ADAMTSL3: variants seen among roughly 807,000 people sequenced by gnomAD.
ADAMTSL3 encodes the protein ADAMTS like 3, also known as ADAMTS-like protein 3.
ADAMTSL3 carries 128 observed loss-of-function variants against 201.7 expected under a neutral mutation model. The observed-to-expected ratio is 0.63, with a 90% CI of 0.55 to 0.73. The LOEUF (loss-of-function observed/expected upper bound fraction) is 0.73. Among genes scored for constraint, ADAMTSL3 ranks in the 30% least tolerant of loss-of-function variants. ADAMTSL3 has a pLI of 0.00. For synonymous variants in ADAMTSL3, 738 were observed against 748.4 expected, an observed-to-expected ratio of 0.99 and a Z score of 0.23; for missense variants, 1,990 against 2,119.6, an observed-to-expected ratio of 0.94 and a Z score of 1.20.
chr15:84,002,631 A>G (rs1374081912), intron 23 of ADAMTSL3, among the ~76,000 whole-genome samples: 1 of 152,146 alleles, frequency 6.6e-6, no homozygotes, highest in East Asian at 1.9e-4. Context: ...TTCAGACTAT[A>G]GATTCCATGG....
At chr15:83,936,149 A>G (rs1163744198) in intron 17 of ADAMTSL3, among the ~76,000 whole-genome samples, 1 of 152,094 alleles carries the variant, frequency 6.6e-6, no homozygotes, top group Non-Finnish European at 1.5e-5. Context: ...TGATTTATCA[A>G]TTTGAAAAAA....
At chr15:83,899,379 G>C (rs190618163) in intron 14 of ADAMTSL3, among the ~76,000 whole-genome samples, 168 of 151,906 alleles carry the variant, frequency 1.1e-3, no homozygotes, top group African/African-American at 3.6e-3. Flanking sequence ...TTTATAAAAG[G>C]CATTTTTATG....
chr15:83,889,669 C>T (rs548455935), intron 10 of ADAMTSL3, among the ~76,000 whole-genome samples: 2 of 152,030 alleles, frequency 1.3e-5, no homozygotes, highest in South Asian at 4.2e-4. Context: ...TGCACAGTGC[C>T]GTGGTGACAA....
chr15:83,704,928 AAC>A (rs1489237690), intron 3 of ADAMTSL3, among the ~76,000 whole-genome samples: 1 of 151,678 alleles, frequency 6.6e-6, no homozygotes, highest in East Asian at 1.9e-4. Context: ...TTCAGAAAGG[AAC>A]ACAGTGTGAA....
intron 2 of ADAMTSL3, among the ~76,000 whole-genome samples, chr15:83,678,069 C>T (rs570499827): frequency 7.0e-4 from 106 of 152,028 alleles, no homozygotes; most frequent in African/African-American, 2.5e-3. Flanking sequence ...TATTTAGGTC[C>T]CCTTATTCTT....
chr15:83,695,932 A>G (rs1449905510), intron 2 of ADAMTSL3, among the ~76,000 whole-genome samples: 1 of 152,052 alleles, frequency 6.6e-6, no homozygotes, highest in Non-Finnish European at 1.5e-5. Flanking sequence ...TTTTGAAGAA[A>G]AATGTGTTGG....
chr15:83,727,630 C>A (rs1239128225), intron 3 of ADAMTSL3, among the ~76,000 whole-genome samples: 1 of 151,990 alleles, frequency 6.6e-6, no homozygotes, highest in Non-Finnish European at 1.5e-5. Flanking sequence ...ACCCACTGGT[C>A]ATTCAGAAGC....
At chr15:83,919,107 G>A (rs548281392) in intron 16 of ADAMTSL3, among the ~76,000 whole-genome samples, 1 of 152,266 alleles carries the variant, frequency 6.6e-6, no homozygotes, top group East Asian at 1.9e-4. Flanking sequence ...GATGCCTCTC[G>A]ACTTCCAAGT....
chr15:83,908,011 T>TCA (rs1289674859), intron 15 of ADAMTSL3, among the ~76,000 whole-genome samples: 1 of 152,222 alleles, frequency 6.6e-6, no homozygotes, highest in African/African-American at 2.4e-5. Flanking sequence ...CAAGATATGT[T>TCA]TTTCTTTCAC....
At chr15:84,019,139 G>A (rs535208821) in intron 25 of ADAMTSL3, among the ~76,000 whole-genome samples, 15 of 142,306 alleles carry the variant, frequency 1.1e-4, no homozygotes, top group African/African-American at 1.6e-4. Context: ...TTGAACAGAC[G>A]TTTCACAAAA....
rs1008452949 is a variant in ADAMTSL3 at position 83,833,620 on chromosome 15, T to C, written c.601-4469T>C. On this transcript the variant is annotated intron_variant, in intron 6 of 29. Coordinates refer to ENST00000286744, the MANE Select transcript of ADAMTSL3 (RefSeq NM_207517.3). Reference sequence around the variant, plus strand: ...ATCCAATTTCTTAATTATTGGGCTATACTGATGATACTTTTTATATTGGTA... The same window carrying C: ...ATCCAATTTCTTAATTATTGGGCTACACTGATGATACTTTTTATATTGGTA... Among the ~76,000 whole-genome samples the C allele has an allele frequency of 2.6e-5, 4 of 152,346 alleles. 1 individual carries two copies. In the South Asian group the frequency reaches 8.3e-4, roughly 32 times the overall value.
intron 29 of ADAMTSL3, 46 bp from the exon 30 acceptor site, chr15:84,037,654 G>T: frequency 2.0e-6 from 3 of 1,503,706 alleles, no homozygotes; most frequent in Non-Finnish European, 2.7e-6. Flanking sequence ...TTTTAATTAG[G>T]TCTCTAATAA....
rs775280665 is a variant in ADAMTSL3, at chr15:83,910,801, AT to A, written c.1701-2274del. Among the ~76,000 whole-genome samples the A allele has an allele frequency of 5.5e-3, 762 of 137,938 alleles. 4 individuals are homozygous for A. Among genetic ancestry groups the A allele is most frequent in the African/African-American group, 8.4e-3 (315 of 37,434 alleles). 90.5% of individuals were successfully genotyped at this position (137,938 alleles called of 152,430 possible). A position where few individuals can be genotyped will look rare whatever the true frequency, so the allele number is the denominator to read the frequency against. ...AGGCATGCACCACCATGACTGGCTA[AT>A]TTTTTTTTTTTTTTTTAAGTAGAGA... On this transcript the variant is annotated intron_variant, in intron 15 of 29. Coordinates refer to ENST00000286744, the MANE Select transcript of ADAMTSL3 (RefSeq NM_207517.3).
chr15:83,723,314 T>C (rs1026228313), intron 3 of ADAMTSL3, among the ~76,000 whole-genome samples: 2 of 152,182 alleles, frequency 1.3e-5, no homozygotes, highest in African/African-American at 4.8e-5. Flanking sequence ...CTAGTGATGG[T>C]GATGGGCAGA....
intron 2 of ADAMTSL3, among the ~76,000 whole-genome samples, chr15:83,671,962 A>T (rs970203868): frequency 6.6e-6 from 1 of 152,248 alleles, no homozygotes; most frequent in Non-Finnish European, 1.5e-5. Context: ...AATATTATCA[A>T]TAAAGGATAT....
intron 3 of ADAMTSL3, among the ~76,000 whole-genome samples, chr15:83,713,683 C>T (rs2162234): frequency 0.25 from 37,539 of 152,082 alleles, 6,108 homozygotes; most frequent in African/African-American, 0.46. Context: ...GAAAAGACTT[C>T]GCCGATTCTC....
At position 83,901,238 on chromosome 15, in the gene ADAMTSL3, G is replaced by C. The variant is rs543646745; in HGVS notation, c.1700+1507G>C. 4.6e-5 allele frequency among the ~76,000 whole-genome samples: 7 copies of C among 152,222 alleles called. No individual in the cohort carries two copies. The East Asian group carries it at 9.7e-4, about 21-fold the overall frequency. ...GAAGAGTGTTGGGCTCCTGACAGAA[G>C]CTTGGAGATTTAGAGGAAGAGGGGG... On this transcript the variant is annotated intron_variant, in intron 15 of 29. Transcript: ENST00000286744.
At chr15:83,661,276 G>A (rs1352744827) in intron 2 of ADAMTSL3, among the ~76,000 whole-genome samples, 3 of 141,070 alleles carry the variant, frequency 2.1e-5, no homozygotes, top group Admixed American at 1.5e-4. Flanking sequence ...CTCTTTTTTG[G>A]TTCCATATGA....
chr15:83,674,338 A>G (rs988321049), intron 2 of ADAMTSL3, among the ~76,000 whole-genome samples: 3 of 152,052 alleles, frequency 2.0e-5, no homozygotes, highest in Non-Finnish European at 4.4e-5. Context: ...TTTGCCTATG[A>G]TGTCCAATTG....
Sources: allele counts gnomAD v4.1 joint callset (sites outside exome capture counted in the v4.1 genomes callset), GRCh38; gene constraint gnomAD v4.1.1; transcripts MANE v1.5; gene names NCBI Gene and HGNC (gene_info 2026-07-23, HGNC 2026-07-21).